KIAA1328: variants seen among roughly 807,000 people sequenced by gnomAD.
KIAA1328 encodes protein hinderin.
KIAA1328 carries 52 observed loss-of-function variants against 68.1 expected under a neutral mutation model. The observed-to-expected ratio is 0.76, with a 90% CI of 0.61 to 0.96. The LOEUF is 0.96. Ranked by LOEUF, KIAA1328 falls within the 40% of genes least tolerant of loss-of-function variation. The pLI is 0.00. For synonymous variants in KIAA1328, 232 were observed against 239.4 expected (o/e 0.97, Z 0.28); for missense variants, 641 against 677.6 (o/e 0.95, Z 0.60).
chr18:37,126,005 A>G (rs1226885376), intron 7 of KIAA1328, among the ~76,000 whole-genome samples: 1 of 152,202 alleles, frequency 6.6e-6, no homozygotes, highest in African/African-American at 2.4e-5. Flanking sequence ...ATTGCTTATC[A>G]GTAGCATATA....
intron 3 of KIAA1328, among the ~76,000 whole-genome samples, chr18:36,841,643 T>A (rs1439127155): frequency 6.6e-6 from 1 of 152,144 alleles, no homozygotes; most frequent in Non-Finnish European, 1.5e-5. Flanking sequence ...TTGCAGGCTG[T>A]AACATCTGTC....
At chr18:37,096,163 G>T (rs2057399726) in intron 7 of KIAA1328, among the ~76,000 whole-genome samples, 3 of 151,976 alleles carry the variant, frequency 2.0e-5, no homozygotes, top group Non-Finnish European at 4.4e-5. Context: ...TGCCATGTTG[G>T]TGTGCTGCAC....
At chr18:36,890,229 T>C (rs1054494055) in intron 5 of KIAA1328, among the ~76,000 whole-genome samples, 22 of 149,594 alleles carry the variant, frequency 1.5e-4, no homozygotes, top group Admixed American at 5.3e-4. Flanking sequence ...TCTTCTTCTT[T>C]TTTTTTTTTT....
At chr18:37,142,630 C>A (rs1568459914) in intron 7 of KIAA1328, among the ~76,000 whole-genome samples, 1 of 152,124 alleles carries the variant, frequency 6.6e-6, no homozygotes, top group Non-Finnish European at 1.5e-5. Flanking sequence ...CAAACACACA[C>A]ACACACCCCA....
chr18:37,018,478 C>T (rs2054230020), intron 6 of KIAA1328, among the ~76,000 whole-genome samples: 1 of 152,076 alleles, frequency 6.6e-6, no homozygotes. Flanking sequence ...TCCAGGTGAT[C>T]TCTGGATTTC....
chr18:36,846,884 G>C (rs551110942), intron 4 of KIAA1328, among the ~76,000 whole-genome samples: 38 of 151,326 alleles, frequency 2.5e-4, no homozygotes, highest in African/African-American at 8.4e-4. Flanking sequence ...TCCATCTCCA[G>C]AACTTTTTTT....
At chr18:37,122,283 T>C (rs1451540396) in intron 7 of KIAA1328, among the ~76,000 whole-genome samples, 1 of 152,046 alleles carries the variant, frequency 6.6e-6, no homozygotes, top group Non-Finnish European at 1.5e-5. Flanking sequence ...AACGTGTCCA[T>C]TGAACTTAGT....
intron 6 of KIAA1328, among the ~76,000 whole-genome samples, chr18:37,060,443 G>A (rs2056101827): frequency 6.6e-6 from 1 of 152,076 alleles, no homozygotes; most frequent in South Asian, 2.1e-4. Flanking sequence ...ACCACAACGA[G>A]ATTTCACTGC....
intron 4 of KIAA1328, among the ~76,000 whole-genome samples, chr18:36,850,836 A>G (rs2047188608): frequency 6.6e-6 from 1 of 152,172 alleles, no homozygotes; most frequent in Non-Finnish European, 1.5e-5. Context: ...TGCTCTGCCT[A>G]GAATTTCTAG....
At chr18:37,010,215 C>T (rs1366612791) in intron 6 of KIAA1328, among the ~76,000 whole-genome samples, 32 of 151,950 alleles carry the variant, frequency 2.1e-4, no homozygotes, top group Admixed American at 1.7e-3. Context: ...GAGGCCGAGG[C>T]GGGCGGATCA....
chr18:37,116,975 C>G (rs561156799), intron 7 of KIAA1328, among the ~76,000 whole-genome samples: 2 of 152,188 alleles, frequency 1.3e-5, no homozygotes, highest in Admixed American at 6.5e-5. Context: ...CATCTCACAA[C>G]AGTTAGAATG....
Position 37,067,146 on chromosome 18 carries a change from C to G in KIAA1328, c.833C>G (p.Pro278Arg), listed in dbSNP as rs774479080. 1 of 1,613,870 alleles carries G rather than the reference C, an allele frequency of 6.2e-7. No individual in the cohort carries two copies. Among genetic ancestry groups the G allele is most frequent in the African/African-American group, 1.3e-5 (1 of 74,920 alleles). ...TCNCESPGRK[P>R]AVPTEKMPQE... is the part of the protein sequence containing the mutation. ...AATTGTGAATCTCCAGGGAGAAAAC[C>G]TGCAGTCCCAACAGAGAAAATGCCA... The change falls in exon 7 of 10, where the codon CCT becomes CGT. Residue 278 changes from proline to arginine, a missense_variant. Physicochemically the swap from Pro to Arg is moderately radical, Grantham distance 103. Coordinates refer to ENST00000280020, the MANE Select transcript of KIAA1328 (RefSeq NM_020776.3).
intron 7 of KIAA1328, among the ~76,000 whole-genome samples, chr18:37,148,484 G>A (rs2058955674): frequency 6.6e-6 from 1 of 152,120 alleles, no homozygotes; most frequent in Non-Finnish European, 1.5e-5. Context: ...ATTCCTTTGG[G>A]TATATACCCA....
chr18:37,071,811 T>G (rs1030332149), intron 7 of KIAA1328, among the ~76,000 whole-genome samples: 16 of 152,310 alleles, frequency 1.1e-4, no homozygotes, highest in Non-Finnish European at 1.6e-4. Context: ...TGGTGTCATA[T>G]TTTATCAGTT....
intron 4 of KIAA1328, among the ~76,000 whole-genome samples, chr18:36,873,032 C>G (rs1323507555): frequency 1.3e-5 from 2 of 152,170 alleles, no homozygotes; most frequent in African/African-American, 4.8e-5. Context: ...TTGCTTTTAT[C>G]TCTAGAGCAT....
At position 36,910,284 on chromosome 18, in the gene KIAA1328, G is replaced by A. The variant is rs535322033; in HGVS notation, c.448+24612G>A. 2.4e-3 allele frequency among the ~76,000 whole-genome samples: 359 copies of A among 152,178 alleles called. 3 individuals carry two copies. Among genetic ancestry groups the A allele is most frequent in the African/African-American group, 7.9e-3 (330 of 41,514 alleles). Reference sequence around the variant, plus strand: ...AACATTTAAGTCTTTAATCCATCTTGAATTAATTTTTGTATAAAGTGTAAG... The same window carrying A: ...AACATTTAAGTCTTTAATCCATCTTAAATTAATTTTTGTATAAAGTGTAAG... On this transcript the variant is annotated intron_variant, in intron 5 of 9. Transcript: ENST00000280020.
chr18:36,928,978 A>G (rs1283687354), intron 5 of KIAA1328, among the ~76,000 whole-genome samples: 3 of 152,198 alleles, frequency 2.0e-5, no homozygotes, highest in Non-Finnish European at 2.9e-5. Context: ...TACTGTATCC[A>G]GCTTCTGATA....
chr18:36,848,388 A>AT (rs565686146), intron 4 of KIAA1328, among the ~76,000 whole-genome samples: 43 of 151,374 alleles, frequency 2.8e-4, no homozygotes, highest in Admixed American at 5.3e-4. Flanking sequence ...TGAAAAATAG[A>AT]TTTTTTTAAC....
chr18:37,148,097 A>G lies in KIAA1328; in HGVS notation c.1233-12103A>G, dbSNP rs1313236788. ...CGCATAGACATTAAGCCCAGCATGT[A>G]TTAGCTATTTTTCCTAATGCTCTCC... is the stretch of plus-strand genomic sequence containing the variant. On this transcript the variant is annotated intron_variant, in intron 7 of 9. Transcript: ENST00000280020. 2.0e-5 allele frequency among the ~76,000 whole-genome samples: 3 copies of G among 151,976 alleles called. No individual in the cohort carries two copies. The East Asian group carries it at 5.8e-4, about 29-fold the overall frequency.
Sources: allele counts gnomAD v4.1 joint callset (sites outside exome capture counted in the v4.1 genomes callset), GRCh38; gene constraint gnomAD v4.1.1; transcripts MANE v1.5; gene names NCBI Gene and HGNC (gene_info 2026-07-23, HGNC 2026-07-21).